Variants in LAMA1 observed in about 807,000 individuals in gnomAD.
The protein encoded by LAMA1 is laminin subunit alpha-1.
Under a neutral mutation model 348.7 loss-of-function variants are expected in LAMA1, and 219 were observed. That is an observed-to-expected ratio of 0.63 (90% CI 0.56 to 0.70). The LOEUF is 0.70. Ranked by LOEUF, LAMA1 falls within the 30% of genes least tolerant of loss-of-function variation. The probability of loss-of-function intolerance (pLI) is 0.00; values close to 1 mark genes in which losing one functional copy is unlikely to be tolerated. For synonymous variants in LAMA1, 1,487 were observed against 1,491.0 expected, an observed-to-expected ratio of 1.00 and a Z score of 0.06; for missense variants, 3,744 against 3,888.0, an observed-to-expected ratio of 0.96 and a Z score of 0.99.
intron 3 of LAMA1, among the ~76,000 whole-genome samples, chr18:7,052,532 G>A (rs1210413194): frequency 7.9e-5 from 12 of 151,880 alleles, no homozygotes; most frequent in African/African-American, 2.2e-4. Flanking sequence ...TTCGAGACCA[G>A]CCTGACCAAC....
chr18:6,955,390 A>C lies in LAMA1; in HGVS notation c.8170T>G (p.Phe2724Val). The C allele has an allele frequency of 6.2e-7, 1 of 1,614,138 alleles. No homozygotes were observed. ...HQFGLTQNSHFILPFNQSAVR... is the reference protein window; with the variant it reads ...HQFGLTQNSHVILPFNQSAVR... ...GCCGACTGATTAAAAGGCAAGATGA[A>C]ATGGCTGTTTTGTGTGAGACCAAAC... is the stretch of plus-strand genomic sequence containing the variant. Residue 2724 changes from phenylalanine (F) to valine (V), a missense_variant, in exon 57 of 63, where the codon TTC becomes GTC. By Grantham distance (50) the Phe-to-Val change is conservative. This residue lies in a region of LAMA1 where 1,983 missense variants were observed against 1,934.3 expected (regional missense o/e 1.03). Transcript: ENST00000389658.
chr18:6,967,871 C>T (rs907155604), intron 48 of LAMA1, among the ~76,000 whole-genome samples: 9 of 152,158 alleles, frequency 5.9e-5, no homozygotes, highest in East Asian at 1.9e-4. Flanking sequence ...CTCTCAAGAA[C>T]GCGGGGGCTC....
intron 48 of LAMA1, among the ~76,000 whole-genome samples, chr18:6,966,556 T>G (rs1225885816): frequency 6.6e-6 from 1 of 152,240 alleles, no homozygotes; most frequent in Non-Finnish European, 1.5e-5. Flanking sequence ...TACAGGAGGA[T>G]AACTGCTATA....
chr18:7,063,320 A>G (rs550373386), intron 3 of LAMA1, among the ~76,000 whole-genome samples: 2 of 152,268 alleles, frequency 1.3e-5, no homozygotes, highest in East Asian at 3.9e-4. Flanking sequence ...TTTAAAGCTT[A>G]TTTTTTAAAA....
intron 20 of LAMA1, 129 bp from the exon 21 acceptor site, chr18:7,016,800 A>G (rs368347737): frequency 2.5e-6 from 2 of 812,336 alleles, no homozygotes; most frequent in South Asian, 1.8e-5. Context: ...CACCATCCCC[A>G]TCCCTTTATA....
chr18:7,085,609 G>T (rs576230871), intron 1 of LAMA1, among the ~76,000 whole-genome samples: 2 of 151,544 alleles, frequency 1.3e-5, no homozygotes, highest in Admixed American at 6.6e-5. Flanking sequence ...TAGTAGAGAT[G>T]GGGTTTCACC....
rs1429066825 is a variant in LAMA1 at position 6,995,307 on chromosome 18, C to T, written c.4896+50G>A. The T allele has an allele frequency of 6.3e-6, 8 of 1,269,030 alleles. No individual in the cohort carries two copies. The Admixed American group carries it at 1.3e-4, about 21-fold the overall frequency. The allele number at this position is 1,269,030 out of a possible 1,614,324, so 78.6% of individuals were successfully genotyped here. On this transcript the variant is annotated intron_variant, in intron 34 of 62. Transcript: ENST00000389658. Reference sequence around the variant, plus strand: ...GCCCCAAGGCAACTGCTCAGGAGGGCTGATGGGAGGGACCAGGAGGAAGGT... The same window carrying T: ...GCCCCAAGGCAACTGCTCAGGAGGGTTGATGGGAGGGACCAGGAGGAAGGT...
At chr18:7,016,837 C>T (rs548135791) in intron 20 of LAMA1, among the ~76,000 whole-genome samples, 166 bp from the exon 21 acceptor site, 3 of 152,282 alleles carry the variant, frequency 2.0e-5, no homozygotes, top group South Asian at 2.1e-4. Context: ...TAGACAGGCA[C>T]GGCACTTGTC....
intron 3 of LAMA1, among the ~76,000 whole-genome samples, chr18:7,070,227 T>C (rs1232907790): frequency 6.6e-6 from 1 of 152,292 alleles, no homozygotes; most frequent in African/African-American, 2.4e-5. Context: ...TATTTGAAAT[T>C]GGTGGAGGCC....
intron 6 of LAMA1, 105 bp from the exon 7 acceptor site, chr18:7,044,944 A>G: frequency 1.2e-6 from 1 of 843,222 alleles, no homozygotes; most frequent in Non-Finnish European, 2.1e-6. Flanking sequence ...CAAGAACCTC[A>G]CAACAGAGGA....
rs951868233 is a variant in LAMA1 at position 6,958,794 on chromosome 18, CT to C, written c.7779-133del. On this transcript the variant is annotated intron_variant, in intron 54 of 62. Coordinates refer to ENST00000389658, the MANE Select transcript of LAMA1 (RefSeq NM_005559.4). ...CCTAAAGGTTCATTTTAACAAGACACTGTCTGTGACCAAAAAGGTGAATCTT... is the reference window on the plus strand; with the variant it reads ...CCTAAAGGTTCATTTTAACAAGACACGTCTGTGACCAAAAAGGTGAATCTT... 1.5e-5 allele frequency: 11 copies of C among 727,524 alleles called. No homozygotes were observed. In the Admixed American group the frequency reaches 2.9e-4, roughly 19 times the overall value. 45.1% of individuals were successfully genotyped at this position (727,524 alleles called of 1,614,324 possible).
At chr18:7,059,752 C>G (rs1252029321) in intron 3 of LAMA1, among the ~76,000 whole-genome samples, 2 of 152,192 alleles carry the variant, frequency 1.3e-5, no homozygotes, top group Non-Finnish European at 2.9e-5. Flanking sequence ...AAGAACCTAC[C>G]TGCCTCCACG....
Position 7,024,443 on chromosome 18 carries a change from TTGAGGTGG to T in LAMA1, c.2418_2425del (p.Cys806Ter). 6.2e-7 allele frequency: 1 copy of T among 1,613,976 alleles called. No individual in the cohort carries two copies. The highest frequency in any genetic ancestry group is 2.2e-5 in the East Asian group (1 of 44,882). On this transcript the variant is annotated stop_gained and frameshift_variant, in exon 18 of 63. Coordinates refer to ENST00000389658, the MANE Select transcript of LAMA1 (RefSeq NM_005559.4). LOFTEE classifies it high-confidence loss of function. ...GTCACAGACCACTTCATCTCCATCA[TTGAGGTGG>T]CAGGTGGGGCTGAAACTGTCAAAAC...
chr18:7,038,535 A>C (rs2058006036), intron 11 of LAMA1: 2 of 490,170 alleles, frequency 4.1e-6, no homozygotes, highest in Non-Finnish European at 7.4e-6. Context: ...TCCCCACCCA[A>C]TCCATTTCCC....
At chr18:7,063,436 G>C (rs2058110344) in intron 3 of LAMA1, among the ~76,000 whole-genome samples, 2 of 152,118 alleles carry the variant, frequency 1.3e-5, no homozygotes, top group African/African-American at 4.8e-5. Context: ...ATGGAAAACA[G>C]TATGGTGGTC....
rs1218622778 is a variant in LAMA1 at position 7,026,060 on chromosome 18, G to A, written c.2321C>T (p.Pro774Leu). The A allele has an allele frequency of 6.2e-7, 1 of 1,610,634 alleles. No homozygotes were observed. The highest frequency in any genetic ancestry group is 1.3e-5 in the African/African-American group (1 of 74,858). Residue 774 changes from proline (P) to leucine (L), a missense_variant, in exon 17 of 63, where the codon CCC (proline) becomes CTC (leucine). Around this residue, in one of 3 missense-constraint regions of LAMA1, gnomAD observed 1,529 missense variants for 1,689.4 expected, o/e 0.91. Transcript: ENST00000389658. ...TCGGGAAGGCTCCCCGTAGAAGCCG[G>A]GCAAGCACTGCTCACAGTGGACGCC... Reference protein sequence around the residue: ...TTGVHCEQCLPGFYGEPSRGT... With the variant: ...TTGVHCEQCLLGFYGEPSRGT...
At chr18:7,009,056 T>G (rs1481877275) in intron 27 of LAMA1, among the ~76,000 whole-genome samples, 183 bp downstream of exon 27, 1 of 152,212 alleles carries the variant, frequency 6.6e-6, no homozygotes, top group Non-Finnish European at 1.5e-5. Flanking sequence ...GCATGCTAGG[T>G]GGATACTTTA....
intron 1 of LAMA1, among the ~76,000 whole-genome samples, chr18:7,108,000 C>A (rs1488937379): frequency 6.8e-6 from 1 of 147,300 alleles, no homozygotes; most frequent in East Asian, 2.0e-4. Context: ...GGCGACAGAG[C>A]GAGACTCCGT....
intron 51 of LAMA1, chr18:6,963,894 C>T (rs2057620463): frequency 6.6e-6 from 1 of 152,220 alleles, no homozygotes; most frequent in African/African-American, 2.4e-5. Context: ...ACAAGGATTC[C>T]ATTGTGTGTC....
Sources: gnomAD v4.1 joint callset for allele counts (sites outside exome capture counted in the v4.1 genomes callset) on GRCh38, gnomAD v4.1.1 for gene constraint, gnomAD v4.1.1 regional missense constraint, MANE v1.5 for transcripts, NCBI Gene and HGNC (gene_info 2026-07-23, HGNC 2026-07-21) for gene names.